FLG: variants seen among roughly 807,000 people sequenced by gnomAD.
FLG encodes the protein filaggrin.
A neutral mutation model predicts 3.8 loss-of-function variants in FLG; 6 were observed. The ratio of observed to expected loss-of-function variants is 1.60; its 90% CI spans 0.87 to 3.15. The LOEUF (loss-of-function observed/expected upper bound fraction) is 3.15. Among genes scored for constraint, FLG ranks in the 30% most tolerant of loss-of-function variants. The pLI is 0.00. For synonymous variants in FLG, 2,551 were observed against 1,931.6 expected (o/e 1.32, Z -8.41); for missense variants, 7,595 against 5,050.9 (o/e 1.50, Z -15.27).
intron 1 of FLG, among the ~76,000 whole-genome samples, chr1:152,319,875 A>G (rs1287148935): frequency 1.3e-5 from 2 of 151,418 alleles, no homozygotes; most frequent in East Asian, 3.9e-4. Flanking sequence ...CAATGGAAAG[A>G]GCATATGTGT....
In FLG at chr1:152,311,421, G is replaced by C; in HGVS notation, c.3465C>G (p.His1155Gln). 1 of 1,613,916 alleles carries C rather than the reference G, an allele frequency of 6.2e-7. No individual in the cohort carries two copies. Among genetic ancestry groups the C allele is most frequent in the South Asian group, 1.1e-5 (1 of 91,068 alleles). Residue 1155 changes from histidine (H) to glutamine (Q), a missense_variant, in exon 3 of 3, where the codon CAC (histidine) becomes CAG (glutamine). His to Gln is a conservative substitution (Grantham distance 24). Transcript: ENST00000368799. ...HHEQARDSSRHSASQEGQDTI... is the reference protein window; with the variant it reads ...HHEQARDSSRQSASQEGQDTI... The stretch of plus-strand genomic sequence containing the variant: ...TGTCCTGACCCTCTTGGGACGCTGA[G>C]TGCCTGGAGCTGTCTCGTGCCTGCT...
intron 1 of FLG, among the ~76,000 whole-genome samples, chr1:152,318,629 A>T (rs1570919413): frequency 6.6e-6 from 1 of 151,890 alleles, no homozygotes; most frequent in Non-Finnish European, 1.5e-5. Context: ...TTCAGATACC[A>T]TCTATCTGAT....
In FLG at chr1:152,312,482, G is replaced by T. The variant is rs150611953; in HGVS notation, c.2404C>A (p.Gln802Lys). The T allele has an allele frequency of 3.0e-5, 49 of 1,613,546 alleles. No homozygotes were observed. Among genetic ancestry groups the T allele is most frequent in the Non-Finnish European group, 4.0e-5 (47 of 1,179,894 alleles). The part of the protein sequence containing the change: ...SFLYQVSTHK[Q>K]SESSHGWTGP... ...GTCCATCCATGGGAGGACTCAGACT[G>T]TTTATGAGTGCTCACCTGGTAGAGG... Residue 802 changes from glutamine to lysine, a missense_variant, in exon 3 of 3, where the codon CAG (glutamine) becomes AAG (lysine). Transcript: ENST00000368799.
rs199927704 is a variant in FLG, at chr1:152,310,603, C to A, written c.4283G>T (p.Arg1428Leu). ...PHQQSHKESA[R>L]GQSGESSGRS... ...TCCAGAGCTTTCCCCTGACTGGCCA[C>A]GTGCGGACTCTTTGTGGCTCTGCTG... Residue 1428 changes from arginine (R) to leucine (L), a missense_variant, in exon 3 of 3, where the codon CGT becomes CTT. Coordinates refer to ENST00000368799, the MANE Select transcript of FLG (RefSeq NM_002016.2). 1 of 1,613,988 alleles carries A rather than the reference C, an allele frequency of 6.2e-7. No individual in the cohort carries two copies. The highest frequency in any genetic ancestry group is 1.7e-5 in the Admixed American group (1 of 60,022).
In FLG at chr1:152,309,740, C is replaced by A. The variant is rs1268375394; in HGVS notation, c.5146G>T (p.Gly1716Cys). 1 of 1,613,978 alleles carries A rather than the reference C, an allele frequency of 6.2e-7. No individual in the cohort carries two copies. Among genetic ancestry groups the A allele is most frequent in the Middle Eastern group, 1.6e-4 (1 of 6,084 alleles). Residue 1716 changes from glycine to cysteine, a missense_variant, in exon 3 of 3, where the codon GGT (glycine) becomes TGT (cysteine). Physicochemically the swap from Gly to Cys is radical, Grantham distance 159. Coordinates refer to ENST00000368799, the MANE Select transcript of FLG (RefSeq NM_002016.2). ...VGDSGNRGSS[G>C]SQASDSEGHS... ...CCCTCGCTGTCACTGGCCTGGCTACCACTGGACCCTCGGTTTCCACTGTCT... is the reference window on the plus strand; with the variant it reads ...CCCTCGCTGTCACTGGCCTGGCTACAACTGGACCCTCGGTTTCCACTGTCT...
Position 152,314,358 on chromosome 1 carries a change from G to T in FLG, c.528C>A (p.Asn176Lys), listed in dbSNP as rs755044971. ...PTHREEEYGK[N>K]HHNSSKKEKN... is the part of the protein sequence containing the mutation. ...TCTCTTTTTTACTTGAGTTATGATG[G>T]TTTTTTCCATATTCTTCTTCTCTAT... Residue 176 changes from asparagine (N) to lysine (K), a missense_variant, in exon 3 of 3, where the codon AAC (asparagine) becomes AAA (lysine). By Grantham distance (94) the Asn-to-Lys change is moderately conservative. Coordinates refer to ENST00000368799, the MANE Select transcript of FLG (RefSeq NM_002016.2). The T allele has an allele frequency of 1.4e-5, 23 of 1,611,498 alleles. No individual in the cohort carries two copies. The highest frequency in any genetic ancestry group is 3.3e-5 in the Admixed American group (2 of 59,854).
Position 152,312,189 on chromosome 1 carries a change from C to T in FLG, c.2697G>A (p.Glu899=), listed in dbSNP as rs1652492095. Residue 899 remains glutamate (E), a synonymous_variant, in exon 3 of 3, where the codon GAG becomes GAA. Coordinates refer to ENST00000368799, the MANE Select transcript of FLG (RefSeq NM_002016.2). ...GCCTGGAGCCGTCTCTTGATTGTTCCTCATTACGTGTTGTTCTGCTTGCAC... is the reference window on the plus strand; with the variant it reads ...GCCTGGAGCCGTCTCTTGATTGTTCTTCATTACGTGTTGTTCTGCTTGCAC... ...SRSASRTTRN[E]EQSRDGSRHS... 1 of 1,612,546 alleles carries T rather than the reference C, an allele frequency of 6.2e-7. No homozygotes were observed.
At chr1:152,316,091 T>C (rs1249715928) in intron 1 of FLG, among the ~76,000 whole-genome samples, 4 of 152,204 alleles carry the variant, frequency 2.6e-5, no homozygotes, top group African/African-American at 4.8e-5. Flanking sequence ...GTTCAGTTTA[T>C]CTCATTGGTG....
At position 152,304,386 on chromosome 1, in the gene FLG, C is replaced by T. The variant is rs774945693; in HGVS notation, c.10500G>A (p.Arg3500=). The change falls in exon 3 of 3, where the codon AGG becomes AGA. Residue 3500 remains arginine, a synonymous_variant. Coordinates refer to ENST00000368799, the MANE Select transcript of FLG (RefSeq NM_002016.2). ...CTTCATGGTGATGCGACCATGAGTG[C>T]CTGGAGCCATCTCCTGATTGTTCGT... ...RNDEQSGDGS[R]HSWSHHHEAS... 1.7e-5 allele frequency: 27 copies of T among 1,611,684 alleles called. No individual in the cohort carries two copies. Among genetic ancestry groups the T allele is most frequent in the Non-Finnish European group, 2.2e-5 (26 of 1,179,054 alleles).
At position 152,303,477 on chromosome 1, in the gene FLG, C is replaced by T. The variant is rs375547903; in HGVS notation, c.11409G>A (p.Gln3803=). ...SQGRSDASHG[Q]SGSRSASRET... is the part of the protein sequence containing the mutation. ...CTCTGCTTGCACTTCTGGATCCTGA[C>T]TGCCCATGGGAGGCATCAGACCTTC... Residue 3803 remains glutamine (Q), a synonymous_variant, in exon 3 of 3, where the codon CAG becomes CAA. Coordinates refer to ENST00000368799, the MANE Select transcript of FLG (RefSeq NM_002016.2). 6 of 1,614,108 alleles carry T rather than the reference C, an allele frequency of 3.7e-6. No homozygotes were observed. Among genetic ancestry groups the T allele is most frequent in the South Asian group, 1.1e-5 (1 of 91,064 alleles).
Position 152,311,424 on chromosome 1 carries a change from C to T in FLG, c.3462G>A (p.Arg1154=), listed in dbSNP as rs760883799. ...CCTGACCCTCTTGGGACGCTGAGTG[C>T]CTGGAGCTGTCTCGTGCCTGCTCGT... The part of the protein sequence containing the change: ...SHHEQARDSS[R]HSASQEGQDT... Residue 1154 remains arginine (R), a synonymous_variant, in exon 3 of 3, where the codon AGG becomes AGA. Coordinates refer to ENST00000368799, the MANE Select transcript of FLG (RefSeq NM_002016.2). 5 of 1,613,840 alleles carry T rather than the reference C, an allele frequency of 3.1e-6. No individual in the cohort carries two copies. The Admixed American group carries it at 6.7e-5, about 22-fold the overall frequency.
intron 1 of FLG, among the ~76,000 whole-genome samples, chr1:152,321,052 C>T (rs1239326626): frequency 6.7e-6 from 1 of 149,824 alleles, no homozygotes; most frequent in Non-Finnish European, 1.5e-5. Flanking sequence ...TATTTATAGC[C>T]TATATATATA....
At position 152,303,262 on chromosome 1, in the gene FLG, T is replaced by G. The variant is rs1316046412; in HGVS notation, c.11624A>C (p.Asp3875Ala). 1 of 1,613,720 alleles carries G rather than the reference T, an allele frequency of 6.2e-7. No homozygotes were observed. The highest frequency in any genetic ancestry group is 8.5e-7 in the Non-Finnish European group (1 of 1,179,958). The change falls in exon 3 of 3, where the codon GAC becomes GCC. Residue 3875 changes from aspartate to alanine, a missense_variant. Coordinates refer to ENST00000368799, the MANE Select transcript of FLG (RefSeq NM_002016.2). ...QDSDSEAYPE[D>A]SERRSESASR... ...AGCAGACTCAGATCGCCTCTCAGAG[T>G]CCTCTGGGTATGCCTCACTGTCACT... is the stretch of plus-strand genomic sequence containing the variant.
rs763135422 is a variant in FLG at position 152,313,949 on chromosome 1, G to A, written c.937C>T (p.His313Tyr). Residue 313 changes from histidine (H) to tyrosine (Y), a missense_variant, in exon 3 of 3, where the codon CAC becomes TAC. Coordinates refer to ENST00000368799, the MANE Select transcript of FLG (RefSeq NM_002016.2). ...SEGHSEDSER[H>Y]SGSASRNHHG... Reference sequence around the variant, plus strand: ...TGGTTTCTGGAAGCCGACCCAGAGTGCCTCTCAGAGTCTTCTGAGTGTCCC... The same window carrying A: ...TGGTTTCTGGAAGCCGACCCAGAGTACCTCTCAGAGTCTTCTGAGTGTCCC... The A allele has an allele frequency of 8.7e-6, 14 of 1,614,026 alleles. No individual in the cohort carries two copies. Among genetic ancestry groups the A allele is most frequent in the East Asian group, 2.2e-5 (1 of 44,868 alleles).
rs1319516600 is a variant in FLG, at chr1:152,311,938, C to G, written c.2948G>C (p.Arg983Thr). The G allele has an allele frequency of 6.2e-7, 1 of 1,614,142 alleles. No individual in the cohort carries two copies. Among genetic ancestry groups the G allele is most frequent in the Middle Eastern group, 1.6e-4 (1 of 6,062 alleles). The change falls in exon 3 of 3, where the codon AGA (arginine) becomes ACA (threonine). Residue 983 changes from arginine (R) to threonine (T), a missense_variant. Physicochemically the swap from Arg to Thr is moderately conservative, Grantham distance 71 (BLOSUM62 -1). Coordinates refer to ENST00000368799, the MANE Select transcript of FLG (RefSeq NM_002016.2). ...GTCTTCGTGATGGGACCTGGGGTGT[C>G]TGGAGCCATGTCTTGACTGCTCCTG... ...SAQEQSRHGS[R>T]HPRSHHEDRA...
rs1272143669 is a variant in FLG, at chr1:152,308,389, G to T, written c.6497C>A (p.Ser2166Tyr). 5 of 1,613,598 alleles carry T rather than the reference G, an allele frequency of 3.1e-6. No homozygotes were observed. The African/African-American group carries it at 5.3e-5, about 17-fold the overall frequency. ...CTGGGATGTGGTGTGGCTGTGATGA[G>T]ACCCTGAGTGTCCAGACCTATCTAC... is the stretch of plus-strand genomic sequence containing the variant. ...QSVDRSGHSG[S>Y]HHSHTTSQGR... The change falls in exon 3 of 3, where the codon TCT (serine) becomes TAT (tyrosine). Residue 2166 changes from serine (S) to tyrosine (Y), a missense_variant. Coordinates refer to ENST00000368799, the MANE Select transcript of FLG (RefSeq NM_002016.2).
Position 152,313,660 on chromosome 1 carries a change from A to C in FLG, c.1226T>G (p.Val409Gly). 6.2e-7 allele frequency: 1 copy of C among 1,613,682 alleles called. No homozygotes were observed. The highest frequency in any genetic ancestry group is 8.5e-7 in the Non-Finnish European group (1 of 1,179,920). The change falls in exon 3 of 3, where the codon GTC (valine) becomes GGC (glycine). Residue 409 changes from valine (V) to glycine (G), a missense_variant. By Grantham distance (109) the Val-to-Gly change is moderately radical. Transcript: ENST00000368799. The part of the protein sequence containing the change: ...ATGRGQASSA[V>G]SDRGHRGSSG... ...AGACCCCCGGTGTCCACGATCGCTGACTGCAGATGAAGCTTGCCCGCGCCC... is the reference window on the plus strand; with the variant it reads ...AGACCCCCGGTGTCCACGATCGCTGCCTGCAGATGAAGCTTGCCCGCGCCC...
In FLG at chr1:152,305,729, C is replaced by G; in HGVS notation, c.9157G>C (p.Gly3053Arg). 6 of 1,255,954 alleles carry G rather than the reference C, an allele frequency of 4.8e-6. No homozygotes were observed. Among genetic ancestry groups the G allele is most frequent in the Non-Finnish European group, 6.4e-6 (6 of 936,452 alleles). The allele number at this position is 1,255,954 out of a possible 1,614,324, so 77.8% of individuals were successfully genotyped here. ...GATCCTGAATGTCCAGACGTTTCCC[C>G]TGACCGGCCACGTGCGGACTCTTGG... The part of the protein sequence containing the change: ...SHQESARGRS[G>R]ETSGHSGSFL... The change falls in exon 3 of 3, where the codon GGG (glycine) becomes CGG (arginine). Residue 3053 changes from glycine to arginine, a missense_variant. Transcript: ENST00000368799.
In FLG at chr1:152,311,402, G is replaced by A. The variant is rs76017272; in HGVS notation, c.3484C>T (p.Gln1162Ter). ...CCCGGGTGTGCACGAATGGTGTCCT[G>A]ACCCTCTTGGGACGCTGAGTGCCTG... The part of the protein sequence containing the change: ...SSRHSASQEG[Q>*]DTIRAHPGSR... Residue 1162 changes from glutamine (Q) to a stop codon, truncating the protein, a stop_gained, in exon 3 of 3, where the codon CAG becomes TAG. Transcript: ENST00000368799. LOFTEE classifies it low-confidence loss of function (END_TRUNC). 6.2e-7 allele frequency: 1 copy of A among 1,613,474 alleles called. No individual in the cohort carries two copies. The highest frequency in any genetic ancestry group is 8.5e-7 in the Non-Finnish European group (1 of 1,179,926).
Sources: gnomAD v4.1 joint callset for allele counts (sites outside exome capture counted in the v4.1 genomes callset) on GRCh38, gnomAD v4.1.1 for gene constraint, MANE v1.5 for transcripts, NCBI Gene and HGNC (gene_info 2026-07-23, HGNC 2026-07-21) for gene names.